The following LIMS4 variants were observed in gnomAD, a reference collection of about 807,000 sequenced individuals.
LIMS4 encodes the protein LIM and senescent cell antigen-like-containing domain protein 4.
the LIMS4 span, among the ~76,000 whole-genome samples, chr2:110,381,725 T>C: frequency 1.7e-4 from 1 of 5,828 alleles, no homozygotes; most frequent in Non-Finnish European, 3.5e-4. Flanking sequence ...ATAATTACAA[T>C]GTGAGATAAA....
At chr2:110,376,274 T>A in the LIMS4 span, 5 of 136,306 alleles carry the variant, frequency 3.7e-5, no homozygotes, top group African/African-American at 1.8e-4. Flanking sequence ...AGCTTTGCAT[T>A]TTTTACCATT....
the LIMS4 span, among the ~76,000 whole-genome samples, chr2:110,371,905 G>T: frequency 2.6e-5 from 4 of 151,098 alleles, no homozygotes; most frequent in African/African-American, 9.9e-5. Context: ...TGCCTAAGCA[G>T]GTGGCAGAGG....
chr2:110,364,406 AC>A, the LIMS4 span, among the ~76,000 whole-genome samples: 1 of 1,668 alleles, frequency 6.0e-4, no homozygotes, highest in Admixed American at 4.0e-3. Flanking sequence ...AAGAAGCGAG[AC>A]CCACTTGGGT....
the LIMS4 span, among the ~76,000 whole-genome samples, chr2:110,368,899 T>G: frequency 0.14 from 19,832 of 145,118 alleles, 548 homozygotes; most frequent in South Asian, 0.26. Context: ...AAGGTTTTTT[T>G]TTTTTTTTTT....
the LIMS4 span, chr2:110,386,708 G>A: frequency 2.7e-5 from 22 of 817,034 alleles, no homozygotes; most frequent in Non-Finnish European, 3.4e-5. Context: ...CTGCCAAGGA[G>A]CGTGGCTGCT....
the LIMS4 span, among the ~76,000 whole-genome samples, chr2:110,390,310 C>G: frequency 5.7e-5 from 8 of 141,270 alleles, 1 homozygote; most frequent in Non-Finnish European, 1.0e-4. Context: ...AGTGTGGGAG[C>G]CTCAGGTCCT....
chr2:110,376,276 T>C, the LIMS4 span: 2 of 136,192 alleles, frequency 1.5e-5, no homozygotes, highest in Non-Finnish European at 3.0e-5. Flanking sequence ...CTTTGCATTT[T>C]TTACCATTTT....
At chr2:110,424,637 A>G in the LIMS4 span, among the ~76,000 whole-genome samples, 1 of 144,186 alleles carries the variant, frequency 6.9e-6, no homozygotes, top group African/African-American at 2.8e-5. Flanking sequence ...TGGGTGGTTC[A>G]TCAAGACTTG....
At chr2:110,386,930 TG>T in the LIMS4 span, 3 of 699,042 alleles carry the variant, frequency 4.3e-6, no homozygotes. Flanking sequence ...CATCCTGTGC[TG>T]GGGGAGCGGG....
the LIMS4 span, among the ~76,000 whole-genome samples, chr2:110,427,283 GT>G: frequency 1.7e-5 from 1 of 60,540 alleles, no homozygotes; most frequent in Middle Eastern, 6.3e-3. Context: ...CTCTCTGTGG[GT>G]TGTCTGTTTA....
intron 8 of LIMS4, among the ~76,000 whole-genome samples, chr2:110,448,576 T>C (rs1235680950): frequency 6.6e-6 from 1 of 152,202 alleles, no homozygotes; most frequent in Non-Finnish European, 1.5e-5. Flanking sequence ...CTTGAACTCT[T>C]GACCTCAGTT....
At chr2:110,425,233 A>G in the LIMS4 span, among the ~76,000 whole-genome samples, 4 of 143,498 alleles carry the variant, frequency 2.8e-5, no homozygotes, top group Admixed American at 2.7e-4. Context: ...CTCTTTAAAA[A>G]AAAAAGAGCT....
At chr2:110,425,034 C>T in the LIMS4 span, among the ~76,000 whole-genome samples, 2 of 143,234 alleles carry the variant, frequency 1.4e-5, no homozygotes, top group Non-Finnish European at 3.0e-5. Context: ...TTTATTCTTT[C>T]TGTTTTCACA....
At chr2:110,367,918 A>C in the LIMS4 span, among the ~76,000 whole-genome samples, 1 of 144,868 alleles carries the variant, frequency 6.9e-6, no homozygotes, top group East Asian at 2.0e-4. Flanking sequence ...GAGAGTGTTA[A>C]GAATGTCCTA....
chr2:110,368,768 GTAAATA>G, the LIMS4 span, among the ~76,000 whole-genome samples: 1 of 131,850 alleles, frequency 7.6e-6, no homozygotes, highest in Non-Finnish European at 1.6e-5. Flanking sequence ...TTCTCTAGCT[GTAAATA>G]TAACCTGCAC....
At chr2:110,422,519 T>C in the LIMS4 span, among the ~76,000 whole-genome samples, 1 of 113,924 alleles carries the variant, frequency 8.8e-6, no homozygotes, top group Non-Finnish European at 1.6e-5. Flanking sequence ...CTTGCTCTTT[T>C]GCCCAGGCTG....
At chr2:110,390,820 T>C in the LIMS4 span, among the ~76,000 whole-genome samples, 2 of 152,168 alleles carry the variant, frequency 1.3e-5, no homozygotes, top group South Asian at 2.1e-4. Context: ...TATGGTATGG[T>C]CCCTGCCCTC....
At chr2:110,391,272 A>G in the LIMS4 span, among the ~76,000 whole-genome samples, 1 of 145,522 alleles carries the variant, frequency 6.9e-6, no homozygotes, top group Admixed American at 6.8e-5. Flanking sequence ...ACCCAGGCCC[A>G]GCCCAGCTCA....
the LIMS4 span, chr2:110,361,964 C>G: frequency 2.2e-6 from 3 of 1,334,452 alleles, no homozygotes; most frequent in Admixed American, 1.8e-5. Flanking sequence ...AACATTGCAA[C>G]GTACACATCA....
Sources: allele counts gnomAD v4.1 joint callset (sites outside exome capture counted in the v4.1 genomes callset), GRCh38; gene constraint gnomAD v4.1.1; transcripts MANE v1.5; gene names NCBI Gene and HGNC (gene_info 2026-07-23, HGNC 2026-07-21).